GRN: variants seen among roughly 807,000 people sequenced by gnomAD.
GRN encodes the protein progranulin.
Under a neutral mutation model 66.7 loss-of-function variants are expected in GRN, and 30 were observed. That is an observed-to-expected ratio of 0.45 (90% CI 0.34 to 0.61). The LOEUF (loss-of-function observed/expected upper bound fraction) is 0.61. Ranked by LOEUF, GRN falls within the 20% of genes least tolerant of loss-of-function variation. The pLI, the probability that GRN is intolerant of heterozygous loss-of-function variation, is 0.01. For synonymous variants in GRN, 327 were observed against 311.1 expected (o/e 1.05, Z -0.54); for missense variants, 731 against 803.5 (o/e 0.91, Z 1.09).
intron 1 of GRN, among the ~76,000 whole-genome samples, chr17:44,347,881 G>T (rs1410874413): frequency 6.8e-6 from 1 of 147,662 alleles, no homozygotes; most frequent in Admixed American, 6.9e-5. Flanking sequence ...AGTGAGCTGA[G>T]ATCGTGCCAC....
chr17:44,350,000 T>C (rs1217394900), intron 4 of GRN: 4 of 653,070 alleles, frequency 6.1e-6, no homozygotes, highest in Admixed American at 4.3e-5. Flanking sequence ...GCCGGTCTAA[T>C]ACCAACCCAT....
intron 1 of GRN, among the ~76,000 whole-genome samples, chr17:44,348,536 A>G (rs1042354781): frequency 6.6e-6 from 1 of 152,176 alleles, no homozygotes; most frequent in East Asian, 1.9e-4. Flanking sequence ...GGGGACATTC[A>G]TGGGCAGATG....
rs368901283 is a variant in GRN, at chr17:44,352,641, G to T, written c.1645-20G>T. ...AGGTCCCACCTCGTCCAACCCTCTC[G>T]CCCCCCTCTGACCATCCAGGGCGTC... On this transcript the variant is annotated intron_variant, in intron 12 of 12. Coordinates refer to ENST00000053867, the MANE Select transcript of GRN (RefSeq NM_002087.4). The T allele has an allele frequency of 1.5e-5, 24 of 1,609,692 alleles. No homozygotes were observed. Among genetic ancestry groups the T allele is most frequent in the Non-Finnish European group, 1.9e-5 (22 of 1,179,992 alleles).
At chr17:44,347,771 G>C (rs942553626) in intron 1 of GRN, among the ~76,000 whole-genome samples, 10 of 151,680 alleles carry the variant, frequency 6.6e-5, no homozygotes, top group Non-Finnish European at 1.0e-4. Flanking sequence ...GACCAATATG[G>C]TGAAACCCCC....
chr17:44,349,566 A>C lies in GRN; in HGVS notation c.264+15A>C. The C allele has an allele frequency of 6.2e-7, 1 of 1,614,108 alleles. No homozygotes were observed. Among genetic ancestry groups the C allele is most frequent in the Non-Finnish European group, 8.5e-7 (1 of 1,179,994 alleles). On this transcript the variant is annotated intron_variant, in intron 3 of 12. Transcript: ENST00000053867. ...CCTTCCCAGAGGTGAGCGTGCCATC[A>C]GCCCAGTGGAGGGGCTTAGGTCTGC...
In GRN at chr17:44,352,371, T is replaced by C. The variant is rs2048385367; in HGVS notation, c.1444T>C (p.Cys482Arg). 6.2e-7 allele frequency: 1 copy of C among 1,613,632 alleles called. No individual in the cohort carries two copies. The highest frequency in any genetic ancestry group is 8.5e-7 in the Non-Finnish European group (1 of 1,179,996). ...AVCCEDRQHC[C>R]PAGYTCNVKA... ...GTGCTGCGAGGATCGCCAGCACTGCTGCCCGGCTGGCTACACCTGCAACGT... is the reference window on the plus strand; with the variant it reads ...GTGCTGCGAGGATCGCCAGCACTGCCGCCCGGCTGGCTACACCTGCAACGT... Residue 482 changes from cysteine to arginine, a missense_variant, in exon 12 of 13, where the codon TGC becomes CGC. Coordinates refer to ENST00000053867, the MANE Select transcript of GRN (RefSeq NM_002087.4).
intron 7 of GRN, 118 bp downstream of exon 7, chr17:44,350,918 A>T: frequency 7.1e-7 from 1 of 1,413,170 alleles, no homozygotes; most frequent in South Asian, 1.1e-5. Context: ...AGCCTGGCTG[A>T]TGCAGGGTTC....
In GRN at chr17:44,352,929, G is replaced by A. The variant is rs958822615; in HGVS notation, c.*131G>A. ...TTCTGAGCTCCCCATCACCATGGGA[G>A]GTGGGGCCTCAATCTAAGGCCTTCC... On this transcript the variant is annotated 3_prime_UTR_variant, in exon 13 of 13. Transcript: ENST00000053867. 1 of 892,184 alleles carries A rather than the reference G, an allele frequency of 1.1e-6. No individual in the cohort carries two copies. Among genetic ancestry groups the A allele is most frequent in the Non-Finnish European group, 1.8e-6 (1 of 562,364 alleles). The allele number at this position is 892,184 out of a possible 1,614,324, so 55.3% of individuals were successfully genotyped here.
Position 44,349,249 on chromosome 17 carries a change from G to GC in GRN, c.87dup (p.Cys30LeufsTer35), listed in dbSNP as rs794729672. On this transcript the variant is annotated frameshift_variant, in exon 2 of 13. Transcript: ENST00000053867. LOFTEE classifies it high-confidence loss of function. Reference sequence around the variant, plus strand: ...CCCAGATGGTCAGTTCTGCCCTGTGGCCTGCTGCCTGGACCCCGGAGGAGC... The same window carrying GC: ...CCCAGATGGTCAGTTCTGCCCTGTGGCCCTGCTGCCTGGACCCCGGAGGAGC... The GC allele has an allele frequency of 2.5e-6, 4 of 1,614,008 alleles. No individual in the cohort carries two copies. Among genetic ancestry groups the GC allele is most frequent in the Admixed American group, 1.7e-5 (1 of 60,024 alleles).
chr17:44,349,905 G>A (rs2048355810), intron 4 of GRN, 154 bp downstream of exon 4: 2 of 664,120 alleles, frequency 3.0e-6, no homozygotes, highest in Admixed American at 2.3e-5. Context: ...GTGGACAGAG[G>A]GGCAGCACTG....
At chr17:44,349,815 GC>G in intron 4 of GRN, 64 bp downstream of exon 4, 1 of 1,134,882 alleles carries the variant, frequency 8.8e-7, no homozygotes, top group Non-Finnish European at 1.3e-6. Context: ...GAACCCAGGA[GC>G]CCAGCTGGCG....
At position 44,349,650 on chromosome 17, in the gene GRN, T is replaced by C. The variant is rs1440079335; in HGVS notation, c.265-17T>C. On this transcript the variant is annotated splice_polypyrimidine_tract_variant and intron_variant, in intron 3 of 12. Coordinates refer to ENST00000053867, the MANE Select transcript of GRN (RefSeq NM_002087.4). ...ATAAAAGGGCCCTGCCAATGCAGGT[T>C]TCTCTGTGTTCCACAGGCCGTGGCA... 2 of 1,612,266 alleles carry C rather than the reference T, an allele frequency of 1.2e-6. No homozygotes were observed. The highest frequency in any genetic ancestry group is 1.7e-6 in the Non-Finnish European group (2 of 1,178,358).
In GRN at chr17:44,351,805, AG is replaced by A; in HGVS notation, c.1179+14del. 6.2e-7 allele frequency: 1 copy of A among 1,612,174 alleles called. No homozygotes were observed. On this transcript the variant is annotated intron_variant, in intron 10 of 12. Transcript: ENST00000053867. ...CTGTCCAATCCCAGAGGTATATGGGAGGGGACAGCATCTTGGCCTGGGCAGG... is the reference window on the plus strand; with the variant it reads ...CTGTCCAATCCCAGAGGTATATGGGAGGGACAGCATCTTGGCCTGGGCAGG...
intron 10 of GRN, 72 bp from the exon 11 acceptor site, chr17:44,351,943 G>A: frequency 6.8e-7 from 1 of 1,464,974 alleles, no homozygotes; most frequent in Non-Finnish European, 9.5e-7. Context: ...AGGCGGGCTG[G>A]AGTAGGTAGG....
intron 11 of GRN, 43 bp downstream of exon 11, chr17:44,352,291 C>T (rs762585894): frequency 6.2e-7 from 1 of 1,603,026 alleles, no homozygotes. Flanking sequence ...GAGCTAAGCC[C>T]AGTGAGGGGA....
rs1555611212 is a variant in GRN at position 44,351,103 on chromosome 17, A to T, written c.775A>T (p.Lys259Ter). The change falls in exon 8 of 13, where the codon AAG becomes TAG. Residue 259 changes from lysine to a stop codon, truncating the protein, a stop_gained. Coordinates refer to ENST00000053867, the MANE Select transcript of GRN (RefSeq NM_002087.4). LOFTEE classifies it high-confidence loss of function. ...CACTGTGTGTGACCTGATCCAGAGT[A>T]AGTGCCTCTCCAAGGAGAACGCTAC... Reference protein sequence around the residue: ...QDTVCDLIQSKCLSKENATTD... With the variant: ...QDTVCDLIQS The T allele has an allele frequency of 6.2e-7, 1 of 1,613,982 alleles. No individual in the cohort carries two copies. Among genetic ancestry groups the T allele is most frequent in the South Asian group, 1.1e-5 (1 of 91,084 alleles).
intron 3 of GRN, 32 bp downstream of exon 3, chr17:44,349,583 T>G: frequency 1.2e-6 from 2 of 1,613,630 alleles, no homozygotes; most frequent in Non-Finnish European, 1.7e-6. Flanking sequence ...TGGAGGGGCT[T>G]AGGTCTGCAT....
rs949898815 is a variant in GRN at position 44,352,159 on chromosome 17, A to C, written c.1324A>C (p.Ile442Leu). ...RRASLSHPRD[I>L]GCDQHTSCPV... ...GGCTTCCTTATCCCACCCCAGAGACATCGGCTGTGACCAGCACACCAGCTG... is the reference window on the plus strand; with the variant it reads ...GGCTTCCTTATCCCACCCCAGAGACCTCGGCTGTGACCAGCACACCAGCTG... Residue 442 changes from isoleucine (I) to leucine (L), a missense_variant, in exon 11 of 13, where the codon ATC (isoleucine) becomes CTC (leucine). This residue lies in a region of GRN where 319 missense variants were observed against 347.2 expected (regional missense o/e 0.92). Coordinates refer to ENST00000053867, the MANE Select transcript of GRN (RefSeq NM_002087.4). 6.2e-7 allele frequency: 1 copy of C among 1,613,660 alleles called. No individual in the cohort carries two copies. The highest frequency in any genetic ancestry group is 8.5e-7 in the Non-Finnish European group (1 of 1,179,978).
chr17:44,350,860 C>T, intron 7 of GRN, 60 bp downstream of exon 7: 3 of 1,443,846 alleles, frequency 2.1e-6, no homozygotes, highest in Non-Finnish European at 2.9e-6. Flanking sequence ...CCCTGACACG[C>T]ACCTTACAGG....
Sources: allele counts gnomAD v4.1 joint callset (sites outside exome capture counted in the v4.1 genomes callset), GRCh38; gene constraint gnomAD v4.1.1; regional missense constraint gnomAD v4.1.1; transcripts MANE v1.5; gene names NCBI Gene and HGNC (gene_info 2026-07-23, HGNC 2026-07-21).